The following OPHN1 variants were observed in gnomAD, a reference collection of about 807,000 sequenced individuals.
The protein encoded by OPHN1 is oligophrenin 1, also known as oligophrenin-1.
OPHN1 carries 11 observed loss-of-function variants against 60.7 expected under a neutral mutation model. The ratio of observed to expected loss-of-function variants is 0.18; its 90% CI spans 0.11 to 0.30. The LOEUF is 0.30. Among genes scored for constraint, OPHN1 ranks in the 10% least tolerant of loss-of-function variants. OPHN1 has a pLI of 1.00. For missense variants in OPHN1, 449 were observed against 611.0 expected, an observed-to-expected ratio of 0.73 and a Z score of 2.80; for synonymous variants, 226 against 222.6, an observed-to-expected ratio of 1.02 and a Z score of -0.14.
At chrX:68,166,130 C>T (rs1223530261) in intron 15 of OPHN1, among the ~76,000 whole-genome samples, 2 of 112,337 alleles carry the variant, frequency 1.8e-5, no homozygotes, top group African/African-American at 6.5e-5. Context: ...AAAAATCTTT[C>T]AGATGTTGGG....
At chrX:68,214,948 G>C (rs1057479899) in intron 6 of OPHN1, among the ~76,000 whole-genome samples, 1 of 111,892 alleles carries the variant, frequency 8.9e-6, no homozygotes, top group African/African-American at 3.2e-5. Flanking sequence ...AGTGAGCCGA[G>C]ATCGTGCCAC....
chrX:68,192,869 T>C, intron 15 of OPHN1, 50 bp downstream of exon 15: 1 of 966,044 alleles, frequency 1.0e-6, no homozygotes, highest in Non-Finnish European at 1.5e-6. Context: ...CACATTTCTT[T>C]GTAACACATA....
intron 2 of OPHN1, among the ~76,000 whole-genome samples, chrX:68,361,880 A>T (rs1277403055): frequency 8.9e-6 from 1 of 112,154 alleles, no homozygotes; most frequent in Non-Finnish European, 1.9e-5. Flanking sequence ...ACCAACACTT[A>T]TCTCTTTCAT....
At chrX:68,261,829 C>G (rs2077895275) in intron 5 of OPHN1, among the ~76,000 whole-genome samples, 1 of 111,411 alleles carries the variant, frequency 9.0e-6, no homozygotes, top group African/African-American at 3.3e-5. Context: ...CCTGGATTGT[C>G]CACTTCTTTT....
intron 2 of OPHN1, among the ~76,000 whole-genome samples, chrX:68,402,492 G>C (rs1195934183): frequency 9.0e-6 from 1 of 111,677 alleles, no homozygotes; most frequent in African/African-American, 3.3e-5. Context: ...CCAAAATAAA[G>C]AAGTCAGTAG....
At chrX:68,219,515 A>T in intron 6 of OPHN1, among the ~76,000 whole-genome samples, 1 of 108,869 alleles carries the variant, frequency 9.2e-6, no homozygotes, top group African/African-American at 3.3e-5. Context: ...TCCAAAATTG[A>T]CCACATAGTT....
chrX:68,379,361 C>T (rs1017293778), intron 2 of OPHN1, among the ~76,000 whole-genome samples: 6 of 111,263 alleles, frequency 5.4e-5, no homozygotes, highest in Non-Finnish European at 9.4e-5. Flanking sequence ...GGTATACAAT[C>T]GTGTCATCTG....
intron 2 of OPHN1, among the ~76,000 whole-genome samples, chrX:68,375,602 T>G (rs4129297): frequency 0.31 from 34,311 of 110,403 alleles, 7,788 homozygotes; most frequent in African/African-American, 0.81. Flanking sequence ...TCTATGTAGA[T>G]GCAGGGTCTT....
At chrX:68,285,457 T>C (rs2078037092) in intron 3 of OPHN1, among the ~76,000 whole-genome samples, 1 of 111,693 alleles carries the variant, frequency 9.0e-6, no homozygotes, top group Non-Finnish European at 1.9e-5. Flanking sequence ...TTTTCTCTTA[T>C]TTTTTACAAG....
At chrX:68,306,938 G>A (rs773809106) in intron 2 of OPHN1, among the ~76,000 whole-genome samples, 7 of 110,676 alleles carry the variant, frequency 6.3e-5, no homozygotes, top group Middle Eastern at 9.3e-3. Flanking sequence ...TTCCCAGGTT[G>A]GTCTTGAAGT....
intron 15 of OPHN1, among the ~76,000 whole-genome samples, chrX:68,186,504 G>C (rs1401756996): frequency 9.2e-6 from 1 of 109,239 alleles, no homozygotes; most frequent in African/African-American, 3.3e-5. Flanking sequence ...GTGGCAAAAA[G>C]AAGTGCCATA....
chrX:68,394,389 T>C, intron 2 of OPHN1, among the ~76,000 whole-genome samples: 1 of 111,724 alleles, frequency 9.0e-6, no homozygotes, highest in Non-Finnish European at 1.9e-5. Flanking sequence ...ATAAGATTAA[T>C]TTCCCCTAAT....
chrX:68,238,286 G>T (rs1430260667), intron 5 of OPHN1, among the ~76,000 whole-genome samples: 2 of 111,060 alleles, frequency 1.8e-5, no homozygotes, highest in Admixed American at 1.9e-4. Context: ...ATGTGAGTTT[G>T]AACTTCAGCT....
intron 6 of OPHN1, among the ~76,000 whole-genome samples, chrX:68,219,631 C>A (rs1402065073): frequency 9.0e-6 from 1 of 111,510 alleles, no homozygotes; most frequent in Non-Finnish European, 1.9e-5. Context: ...GAATCTCACT[C>A]AAAACCACTC....
At chrX:68,144,285 C>T (rs2077254999) in intron 15 of OPHN1, among the ~76,000 whole-genome samples, 1 of 110,653 alleles carries the variant, frequency 9.0e-6, no homozygotes, top group African/African-American at 3.3e-5. Flanking sequence ...TCACGTTAGC[C>T]TCCCCGAGTG....
intron 2 of OPHN1, among the ~76,000 whole-genome samples, chrX:68,341,370 T>A (rs1304056984): frequency 1.8e-5 from 2 of 108,601 alleles, no homozygotes; most frequent in Admixed American, 2.0e-4. Flanking sequence ...AACATCCAGA[T>A]CTATATTTTT....
At chrX:68,174,994 G>T (rs1420760392) in intron 15 of OPHN1, among the ~76,000 whole-genome samples, 1 of 109,702 alleles carries the variant, frequency 9.1e-6, no homozygotes, top group Non-Finnish European at 1.9e-5. Flanking sequence ...TGAGGCAGGA[G>T]AATTGCTGGA....
At chrX:68,062,009 C>T (rs755657928) in intron 21 of OPHN1, among the ~76,000 whole-genome samples, 2 of 112,397 alleles carry the variant, frequency 1.8e-5, no homozygotes, top group East Asian at 5.6e-4. Context: ...AATTGGCTTG[C>T]TTTTACCTTA....
chrX:68,142,881 T>C (rs1039890830), intron 15 of OPHN1, among the ~76,000 whole-genome samples: 2 of 112,274 alleles, frequency 1.8e-5, no homozygotes, highest in African/African-American at 6.5e-5. Context: ...AGTTAGGTAC[T>C]ACTACTGGTA....
Sources: allele counts gnomAD v4.1 joint callset (sites outside exome capture counted in the v4.1 genomes callset), GRCh38; gene constraint gnomAD v4.1.1; transcripts MANE v1.5; gene names NCBI Gene and HGNC (gene_info 2026-07-23, HGNC 2026-07-21).